Variants in ZBTB11 observed in about 807,000 individuals in gnomAD.
The protein encoded by ZBTB11 is zinc finger and BTB domain containing 11.
A neutral mutation model predicts 113.1 loss-of-function variants in ZBTB11; 68 were observed. The ratio of observed to expected loss-of-function variants is 0.60; its 90% CI spans 0.49 to 0.74. ZBTB11 has a LOEUF of 0.74. Ranked by LOEUF, ZBTB11 falls within the 30% of genes least tolerant of loss-of-function variation. The pLI is 0.00. For synonymous variants in ZBTB11, 518 were observed against 452.6 expected (o/e 1.14, Z -1.83); for missense variants, 1,104 against 1,279.4 (o/e 0.86, Z 2.09).
chr3:101,663,455 T>C (rs995949867), intron 5 of ZBTB11, among the ~76,000 whole-genome samples: 2 of 152,206 alleles, frequency 1.3e-5, no homozygotes, highest in African/African-American at 4.8e-5. Flanking sequence ...ATTAAAAAAT[T>C]CACTGGAATT....
rs1031052442 is a variant in ZBTB11 at position 101,651,304 on chromosome 3, T to C, written c.3024A>G (p.Val1008=). 1 of 1,614,222 alleles carries C rather than the reference T, an allele frequency of 6.2e-7. No individual in the cohort carries two copies. Among genetic ancestry groups the C allele is most frequent in the Middle Eastern group, 1.6e-4 (1 of 6,062 alleles). ...TAATACTTTGGTCAGAAAGTGTAGA[T>C]ACCGATGGATACTCTTCAGTAGCTG... ...AVAATEEYPS[V]STLSDQSIMQ... is the part of the protein sequence containing the mutation. The change falls in exon 11 of 11, where the codon GTA becomes GTG. Residue 1008 remains valine, a synonymous_variant. Coordinates refer to ENST00000312938, the MANE Select transcript of ZBTB11 (RefSeq NM_014415.4).
rs1936836865 is a variant in ZBTB11 at position 101,658,565 on chromosome 3, CCAGGCTGGAATG to C, written c.2046+1206_2046+1217del. On this transcript the variant is annotated intron_variant, in intron 6 of 10. Transcript: ENST00000312938. ...TGAGATGGAATTTTGCTCTTGTTGT[CCAGGCTGGAATG>C]CAGTGGTGCCACCTCGGCTCACGGC... Among the ~76,000 whole-genome samples the C allele has an allele frequency of 2.0e-5, 3 of 152,228 alleles. No individual in the cohort carries two copies. The Middle Eastern group carries it at 0.01, about 518-fold the overall frequency.
chr3:101,672,150 C>A lies in ZBTB11; in HGVS notation c.374G>T (p.Arg125Leu). Residue 125 changes from arginine to leucine, a missense_variant, in exon 2 of 11, where the codon CGA becomes CTA. Arg to Leu is a moderately radical substitution (Grantham distance 102). Coordinates refer to ENST00000312938, the MANE Select transcript of ZBTB11 (RefSeq NM_014415.4). ...QCSKCQEKLD[R>L]SRPISDVSEM... is the part of the protein sequence containing the mutation. ...TGAAACATCTGATATTGGACGGGAT[C>A]GATCTAGTTTCTCCTGGCATTTGCT... The A allele has an allele frequency of 6.2e-7, 1 of 1,614,132 alleles. No individual in the cohort carries two copies. The highest frequency in any genetic ancestry group is 8.5e-7 in the Non-Finnish European group (1 of 1,180,018).
rs760417038 is a variant in ZBTB11 at position 101,671,958 on chromosome 3, G to C, written c.546+20C>G. 2 of 1,584,440 alleles carry C rather than the reference G, an allele frequency of 1.3e-6. No individual in the cohort carries two copies. The highest frequency in any genetic ancestry group is 2.2e-5 in the East Asian group (1 of 44,748). On this transcript the variant is annotated intron_variant, in intron 2 of 10. Coordinates refer to ENST00000312938, the MANE Select transcript of ZBTB11 (RefSeq NM_014415.4). Reference sequence around the variant, plus strand: ...TACACTAGTTACAAATCTTAAAGCTGACTGGAGAGTACCACTTACAAACAC... The same window carrying C: ...TACACTAGTTACAAATCTTAAAGCTCACTGGAGAGTACCACTTACAAACAC...
chr3:101,674,352 T>C (rs1937128496), intron 1 of ZBTB11, among the ~76,000 whole-genome samples: 3 of 151,210 alleles, frequency 2.0e-5, no homozygotes. Context: ...AAAGGAACAA[T>C]GGGTTCGAGT....
intron 5 of ZBTB11, 108 bp downstream of exon 5, chr3:101,664,428 CTT>C: frequency 9.0e-7 from 1 of 1,108,772 alleles, no homozygotes; most frequent in Non-Finnish European, 1.3e-6. Flanking sequence ...GAAGATGACT[CTT>C]ATAGCCATAT....
chr3:101,660,029 C>T lies in ZBTB11; in HGVS notation c.1801-1G>A. The T allele has an allele frequency of 6.2e-7, 1 of 1,605,284 alleles. No individual in the cohort carries two copies. The highest frequency in any genetic ancestry group is 8.5e-7 in the Non-Finnish European group (1 of 1,174,092). On this transcript the variant is annotated splice_acceptor_variant, in intron 5 of 10. Transcript: ENST00000312938. LOFTEE classifies it high-confidence loss of function. ...TGTACTGAAACTGTTTTTTACACAA[C>T]TAAAAGAAAAATAAAATTCTCTCTA...
intron 3 of ZBTB11, 155 bp downstream of exon 3, chr3:101,670,975 T>A (rs529347970): frequency 1.7e-6 from 1 of 597,784 alleles, no homozygotes; most frequent in African/African-American, 1.9e-5. Context: ...ACCACAGAAA[T>A]CTTGCTAAAA....
rs868276274 is a variant in ZBTB11, at chr3:101,669,828, T to A, written c.778+1302A>T. On this transcript the variant is annotated intron_variant, in intron 3 of 10. Coordinates refer to ENST00000312938, the MANE Select transcript of ZBTB11 (RefSeq NM_014415.4). ...TTATTTATATAGAGAAAGCTATTAG[T>A]GCTTTTTTTTTTTTTTTGAGACGGA... Among the ~76,000 whole-genome samples the A allele has an allele frequency of 5.6e-4, 84 of 149,008 alleles. 1 individual carries two copies. Among genetic ancestry groups the A allele is most frequent in the African/African-American group, 1.9e-3 (78 of 40,210 alleles).
At chr3:101,675,494 T>G (rs1000202168) in intron 1 of ZBTB11, among the ~76,000 whole-genome samples, 32 of 152,256 alleles carry the variant, frequency 2.1e-4, no homozygotes, top group African/African-American at 7.0e-4. Context: ...ATAACTTTTC[T>G]GTAGCCATAT....
In ZBTB11 at chr3:101,665,495, T is replaced by A. The variant is rs373214963; in HGVS notation, c.1092A>T (p.Val364=). 1 of 1,614,194 alleles carries A rather than the reference T, an allele frequency of 6.2e-7. No homozygotes were observed. The highest frequency in any genetic ancestry group is 1.1e-5 in the South Asian group (1 of 91,086). Residue 364 remains valine, a synonymous_variant, in exon 4 of 11, where the codon GTA becomes GTT. Transcript: ENST00000312938. ...LPTELGDCEI[V]LLVNGELPEA... ...CTGGCAATTCTCCATTTACCAGTAG[T>A]ACAATTTCACAATCCCCAAGTTCAG...
chr3:101,671,042 C>CA lies in ZBTB11; in HGVS notation c.778+87dup. ...TGTTAGTGGGCTTCTCTTACTTTGG[C>CA]ATAAAGTCCGTGTGTGGAAGACATA... On this transcript the variant is annotated intron_variant, in intron 3 of 10. Transcript: ENST00000312938. The CA allele has an allele frequency of 3.6e-6, 4 of 1,111,966 alleles. No homozygotes were observed. In the Middle Eastern group the frequency reaches 8.2e-4, roughly 228 times the overall value. 68.9% of individuals were successfully genotyped at this position (1,111,966 alleles called of 1,614,324 possible). A position where few individuals can be genotyped will look rare whatever the true frequency, so the allele number is the denominator to read the frequency against.
At chr3:101,662,780 G>C (rs1936914103) in intron 5 of ZBTB11, among the ~76,000 whole-genome samples, 1 of 150,016 alleles carries the variant, frequency 6.7e-6, no homozygotes, top group Admixed American at 6.6e-5. Flanking sequence ...TTTTTTTTTG[G>C]AGACAGGGTC....
At chr3:101,660,962 G>C (rs554046144) in intron 5 of ZBTB11, among the ~76,000 whole-genome samples, 1 of 151,724 alleles carries the variant, frequency 6.6e-6, no homozygotes, top group East Asian at 2.0e-4. Flanking sequence ...GCTGGGTGTG[G>C]TGGCTTACGT....
At chr3:101,666,435 C>T (rs1218383870) in intron 3 of ZBTB11, among the ~76,000 whole-genome samples, 3 of 152,200 alleles carry the variant, frequency 2.0e-5, no homozygotes, top group African/African-American at 4.8e-5. Flanking sequence ...TGTTCCAATA[C>T]AACCTTCTTT....
chr3:101,676,214 ACAGTCGAAAACGTGCACCCCG>A lies in ZBTB11; in HGVS notation c.310+370_310+390del, dbSNP rs552808189. 6.4e-4 allele frequency among the ~76,000 whole-genome samples: 97 copies of A among 152,328 alleles called. No individual in the cohort carries two copies. In the East Asian group the frequency reaches 0.018, roughly 29 times the overall value. On this transcript the variant is annotated intron_variant, in intron 1 of 10. Transcript: ENST00000312938. ...CTCGTCCCCCCTTCCAAACGTCAGC[ACAGTCGAAAACGTGCACCCCG>A]CAGCCTCCACTGCCGCGAGCCACAC...
In ZBTB11 at chr3:101,651,068, T is replaced by A; in HGVS notation, c.*98A>T. The A allele has an allele frequency of 1.4e-6, 2 of 1,395,976 alleles. No homozygotes were observed. The highest frequency in any genetic ancestry group is 4.6e-5 in the East Asian group (2 of 43,012). 86.5% of individuals were successfully genotyped at this position (1,395,976 alleles called of 1,614,324 possible). A position where few individuals can be genotyped will look rare whatever the true frequency, so the allele number is the denominator to read the frequency against. The stretch of plus-strand genomic sequence containing the variant: ...TACCAAACAGCCCAGAACTTTGATA[T>A]GTAAACTCCAAGCAGACAGTCACAC... On this transcript the variant is annotated 3_prime_UTR_variant, in exon 11 of 11. Transcript: ENST00000312938.
Position 101,665,155 on chromosome 3 carries a change from C to T in ZBTB11, c.1432G>A (p.Asp478Asn). ...TTTTCCTGATCTTTTAAAGGTTGGT[C>T]AACTTTCTGCCTATGTTTTGGAATG... ...EDIPKHRQKV[D>N]QPLKDQENLV... The change falls in exon 4 of 11, where the codon GAC (aspartate) becomes AAC (asparagine). Residue 478 changes from aspartate (D) to asparagine (N), a missense_variant. Asp to Asn is a conservative substitution (Grantham distance 23, BLOSUM62 1). Transcript: ENST00000312938. The T allele has an allele frequency of 6.2e-7, 1 of 1,614,142 alleles. No individual in the cohort carries two copies. The highest frequency in any genetic ancestry group is 8.5e-7 in the Non-Finnish European group (1 of 1,180,030).
chr3:101,651,339 C>CCT lies in ZBTB11; in HGVS notation c.2988_2989insAG (p.Glu997ArgfsTer29). On this transcript the variant is annotated frameshift_variant, in exon 11 of 11. Coordinates refer to ENST00000312938, the MANE Select transcript of ZBTB11 (RefSeq NM_014415.4). LOFTEE classifies it high-confidence loss of function. ...TACTCTTCAGTAGCTGCAACAGCTTCCAGAGCTTCCATAGTTTCTCCTGTC... is the reference window on the plus strand; with the variant it reads ...TACTCTTCAGTAGCTGCAACAGCTTCCTCAGAGCTTCCATAGTTTCTCCTGTC... 1 of 1,614,028 alleles carries CCT rather than the reference C, an allele frequency of 6.2e-7. No individual in the cohort carries two copies. Among genetic ancestry groups the CCT allele is most frequent in the South Asian group, 1.1e-5 (1 of 91,050 alleles).
Sources: gnomAD v4.1 joint callset for allele counts (sites outside exome capture counted in the v4.1 genomes callset) on GRCh38, gnomAD v4.1.1 for gene constraint, MANE v1.5 for transcripts, NCBI Gene and HGNC (gene_info 2026-07-23, HGNC 2026-07-21) for gene names.